Variants in SELENBP1 observed in about 807,000 individuals in gnomAD.
SELENBP1 encodes methanethiol oxidase.
A neutral mutation model predicts 61.0 loss-of-function variants in SELENBP1; 71 were observed. That is an observed-to-expected ratio of 1.16 (90% CI 0.96 to 1.42). The LOEUF is 1.42. SELENBP1 is among the 40% of genes most tolerant of loss of function. SELENBP1 has a pLI of 0.00. For missense variants in SELENBP1, 561 were observed against 605.0 expected (o/e 0.93, Z 0.76); for synonymous variants, 270 against 238.9 (o/e 1.13, Z -1.20).
chr1:151,365,216 CTT>C lies in SELENBP1; in HGVS notation c.1108_1109del (p.Lys370ValfsTer46). The C allele has an allele frequency of 6.2e-7, 1 of 1,613,902 alleles. No homozygotes were observed. Among genetic ancestry groups the C allele is most frequent in the South Asian group, 1.1e-5 (1 of 90,980 alleles). On this transcript the variant is annotated frameshift_variant, in exon 10 of 12. Coordinates refer to ENST00000368868, the MANE Select transcript of SELENBP1 (RefSeq NM_003944.4). LOFTEE classifies it high-confidence loss of function. ...PVQVLEDEELKSQPEPLVVKG... is the reference protein window; with the variant it reads ...PVQVLEDEELXSQPEPLVVKG... ...TGACCACTAGGGGCTCTGGCTGGGA[CTT>C]TAGTTCCTCGTCCTCCAGCACTTGC...
intron 3 of SELENBP1, 104 bp downstream of exon 3, chr1:151,369,338 C>T: frequency 7.1e-7 from 1 of 1,413,960 alleles, no homozygotes. Flanking sequence ...GCACAAGCAT[C>T]CCCAGGGAGG....
Position 151,369,743 on chromosome 1 carries a change from C to T in SELENBP1, c.31G>A (p.Gly11Ser), listed in dbSNP as rs369213210. ...ATGGCCTCCAGAGGGGTGGAGTAGCCGGGTCCACAATTCCCACATTTCGTA... is the reference window on the plus strand; with the variant it reads ...ATGGCCTCCAGAGGGGTGGAGTAGCTGGGTCCACAATTCCCACATTTCGTA... MATKCGNCGP[G>S]YSTPLEAMKG... The change falls in exon 2 of 12, where the codon GGC (glycine) becomes AGC (serine). Residue 11 changes from glycine (G) to serine (S), a missense_variant. Coordinates refer to ENST00000368868, the MANE Select transcript of SELENBP1 (RefSeq NM_003944.4). 3.9e-6 allele frequency: 6 copies of T among 1,552,514 alleles called. No individual in the cohort carries two copies. Among genetic ancestry groups the T allele is most frequent in the East Asian group, 2.4e-5 (1 of 41,048 alleles).
rs72710112 is a variant in SELENBP1 at position 151,365,227 on chromosome 1, C to T, written c.1099G>A (p.Glu367Lys). 0.011 allele frequency: 18,470 copies of T among 1,613,590 alleles called. 143 individuals are homozygous for T. The highest frequency in any genetic ancestry group is 0.02 in the Middle Eastern group (119 of 6,058). ...KGGPVQVLED[E>K]ELKSQPEPLV... ...GGCTCTGGCTGGGACTTTAGTTCCT[C>T]GTCCTCCAGCACTTGCACAGGGCCT... Residue 367 changes from glutamate to lysine, a missense_variant, in exon 10 of 12, where the codon GAG (glutamate) becomes AAG (lysine). Glu to Lys is a moderately conservative substitution (Grantham distance 56, BLOSUM62 1). Transcript: ENST00000368868.
chr1:151,368,313 C>CA lies in SELENBP1; in HGVS notation c.366dup (p.Glu123Ter). ...CACTTGGCATGGATGTCCTTGGGCT[C>CA]AATGACCTGGAAGGGGTGGGGAATG... is the stretch of plus-strand genomic sequence containing the variant. On this transcript the variant is annotated frameshift_variant, in exon 5 of 12. Coordinates refer to ENST00000368868, the MANE Select transcript of SELENBP1 (RefSeq NM_003944.4). LOFTEE classifies it high-confidence loss of function. The CA allele has an allele frequency of 6.2e-7, 1 of 1,614,104 alleles. No individual in the cohort carries two copies. The highest frequency in any genetic ancestry group is 1.1e-5 in the South Asian group (1 of 91,082).
In SELENBP1 at chr1:151,368,386, C is replaced by A; in HGVS notation, c.361-67G>T. The A allele has an allele frequency of 5.1e-6, 8 of 1,574,572 alleles. No individual in the cohort carries two copies. The South Asian group carries it at 6.8e-5, about 13-fold the overall frequency. On this transcript the variant is annotated intron_variant, in intron 4 of 11. Transcript: ENST00000368868. ...GGAGTCCCTGCTCTTAACCTCCATACTTCCCCTACTTCTATCTGCTGACTC... is the reference window on the plus strand; with the variant it reads ...GGAGTCCCTGCTCTTAACCTCCATAATTCCCCTACTTCTATCTGCTGACTC...
chr1:151,369,551 G>T lies in SELENBP1; in HGVS notation c.65C>A (p.Pro22His). Residue 22 changes from proline (P) to histidine (H), a missense_variant, in exon 3 of 12, where the codon CCC (proline) becomes CAC (histidine). Coordinates refer to ENST00000368868, the MANE Select transcript of SELENBP1 (RefSeq NM_003944.4). ...GGGCAGGTAGACGATCTCTTCCCTG[G>T]GTCCTGCACGGTAGAAAGCAGGCAG... ...YSTPLEAMKG[P>H]REEIVYLPCI... 6.2e-7 allele frequency: 1 copy of T among 1,602,950 alleles called. No homozygotes were observed. Among genetic ancestry groups the T allele is most frequent in the Non-Finnish European group, 8.5e-7 (1 of 1,175,084 alleles).
chr1:151,370,195 T>G, intron 1 of SELENBP1: 1 of 423,318 alleles, frequency 2.4e-6, no homozygotes, highest in Non-Finnish European at 4.4e-6. Context: ...CACAGTGGGC[T>G]TTTACGAGAA....
chr1:151,372,436 G>GGAGGCACTT (rs1652184581), intron 1 of SELENBP1, among the ~76,000 whole-genome samples: 1 of 152,088 alleles, frequency 6.6e-6, no homozygotes, highest in Non-Finnish European at 1.5e-5. Context: ...GCCTCTGCCC[G>GGAGGCACTT]TCTTCCTCAG....
In SELENBP1 at chr1:151,369,456, G is replaced by A; in HGVS notation, c.160C>T (p.Pro54Ser). The A allele has an allele frequency of 6.2e-7, 1 of 1,612,338 alleles. No individual in the cohort carries two copies. Among genetic ancestry groups the A allele is most frequent in the Non-Finnish European group, 8.5e-7 (1 of 1,179,348 alleles). The stretch of plus-strand genomic sequence containing the variant: ...CCCCGCCTAACCTGGCAATACTGGG[G>A]AGACTTGGGGTCAACATCCACAGTG... ...LATVDVDPKS[P>S]QYCQVIHRLP... Residue 54 changes from proline to serine, a missense_variant, in exon 3 of 12, where the codon CCC becomes TCC. Pro to Ser is a moderately conservative substitution (Grantham distance 74). Transcript: ENST00000368868.
In SELENBP1 at chr1:151,364,558, A is replaced by T; in HGVS notation, c.1404T>A (p.Ser468=). ...AGGGTGGAGTTCAAATCCAGATGTC[A>T]GAGCTACAATCGCCCCCAGGGTAGC... ...ELRYPGGDCS[S]DIWI is the part of the protein sequence containing the mutation. Residue 468 remains serine, a synonymous_variant, in exon 12 of 12, where the codon TCT becomes TCA. Transcript: ENST00000368868. The T allele has an allele frequency of 6.2e-7, 1 of 1,614,168 alleles. No homozygotes were observed. The highest frequency in any genetic ancestry group is 2.2e-5 in the East Asian group (1 of 44,882).
chr1:151,365,617 C>T lies in SELENBP1; in HGVS notation c.990G>A (p.Gly330=). The change falls in exon 9 of 12, where the codon GGG becomes GGA. Residue 330 remains glycine (G), a synonymous_variant. Transcript: ENST00000368868. ...RFLYFSNWLH[G]DLRQYDISDP... ...CAGAGATGTCATACTGCCTCAGGTC[C>T]CCATGCAGCCAGTTGCTGAAGTAGA... The T allele has an allele frequency of 6.2e-7, 1 of 1,614,186 alleles. No homozygotes were observed. The highest frequency in any genetic ancestry group is 8.5e-7 in the Non-Finnish European group (1 of 1,180,028).
At chr1:151,367,482 C>T (rs943041925) in intron 5 of SELENBP1, 1 of 152,214 alleles carries the variant, frequency 6.6e-6, no homozygotes, top group African/African-American at 2.4e-5. Flanking sequence ...GTGCCCCTGT[C>T]TCCTGTCTAC....
At chr1:151,366,637 G>C (rs1651835004) in intron 6 of SELENBP1, 85 bp downstream of exon 6, 3 of 1,512,124 alleles carry the variant, frequency 2.0e-6, no homozygotes, top group African/African-American at 1.4e-5. Flanking sequence ...GGCCACAGGA[G>C]GGAAGTGTGG....
At position 151,366,746 on chromosome 1, in the gene SELENBP1, AGC is replaced by A. The variant is rs986253240; in HGVS notation, c.638_639del (p.Gly213ValfsTer5). ...CCAGCCTCCACATCAGCGGGGTTGA[AGC>A]CATCTCGTAAGACATTGGGAGCTGC... ...EWAAPNVLRD[G>X]FNPADVEAGL... is the part of the protein sequence containing the mutation. On this transcript the variant is annotated frameshift_variant, in exon 6 of 12. Transcript: ENST00000368868. LOFTEE classifies it high-confidence loss of function. The A allele has an allele frequency of 6.2e-7, 1 of 1,613,976 alleles. No individual in the cohort carries two copies. Among genetic ancestry groups the A allele is most frequent in the Non-Finnish European group, 8.5e-7 (1 of 1,180,014 alleles).
chr1:151,366,593 C>A, intron 6 of SELENBP1, 129 bp downstream of exon 6: 3 of 1,379,762 alleles, frequency 2.2e-6, no homozygotes, highest in Non-Finnish European at 3.0e-6. Context: ...TCTGAGCATG[C>A]GGTACATCCT....
At position 151,365,012 on chromosome 1, in the gene SELENBP1, G is replaced by A. The variant is rs561692328; in HGVS notation, c.1170C>T (p.Ile390=). The A allele has an allele frequency of 3.0e-5, 48 of 1,611,638 alleles. No individual in the cohort carries two copies. In the Admixed American group the frequency reaches 5.2e-4, roughly 18 times the overall value. ...GGCGCTTCCCATCCAGGCTGAGCTG[G>A]ATCATCTGAGGGCCTCCAGCCACCC... ...GKRVAGGPQM[I]QLSLDGKRLY... The change falls in exon 11 of 12, where the codon ATC becomes ATT. Residue 390 remains isoleucine (I), a synonymous_variant. Coordinates refer to ENST00000368868, the MANE Select transcript of SELENBP1 (RefSeq NM_003944.4).
intron 6 of SELENBP1, 97 bp downstream of exon 6, chr1:151,366,624 TG>T: frequency 6.8e-7 from 1 of 1,477,344 alleles, no homozygotes; most frequent in Non-Finnish European, 9.3e-7. Context: ...TCTTAGATTC[TG>T]GGGCCACAGG....
At chr1:151,369,324 G>A (rs1256244825) in intron 3 of SELENBP1, 118 bp downstream of exon 3, 1 of 1,414,670 alleles carries the variant, frequency 7.1e-7, no homozygotes, top group African/African-American at 1.4e-5. Context: ...CCCAGGTTGA[G>A]CGTGCACAAG....
chr1:151,372,512 T>A, intron 1 of SELENBP1, 126 bp downstream of exon 1: 2 of 1,207,408 alleles, frequency 1.7e-6, no homozygotes, highest in Non-Finnish European at 2.4e-6. Flanking sequence ...CTGGGGACAA[T>A]GAAGCAGAGT....
Sources: allele counts gnomAD v4.1 joint callset (sites outside exome capture counted in the v4.1 genomes callset), GRCh38; gene constraint gnomAD v4.1.1; transcripts MANE v1.5; gene names NCBI Gene and HGNC (gene_info 2026-07-23, HGNC 2026-07-21).